AFDN: variants seen among roughly 807,000 people sequenced by gnomAD.
AFDN encodes afadin.
AFDN carries 68 observed loss-of-function variants against 216.6 expected under a neutral mutation model. That is an observed-to-expected ratio of 0.31 (90% CI 0.26 to 0.38). The LOEUF is 0.38. Ranked by LOEUF, AFDN falls within the 10% of genes least tolerant of loss-of-function variation. The pLI, the probability that AFDN is intolerant of heterozygous loss-of-function variation, is 1.00. For missense variants in AFDN, 2,136 were observed against 2,342.0 expected (o/e 0.91, Z 1.82); for synonymous variants, 868 against 853.7 (o/e 1.02, Z -0.29).
At chr6:167,935,372 G>A (rs3800531) in intron 23 of AFDN, among the ~76,000 whole-genome samples, 46,245 of 152,042 alleles carry the variant, frequency 0.3, 8,152 homozygotes, top group East Asian at 0.59. Flanking sequence ...TGCATTGAAG[G>A]GCACAAAGGC....
At chr6:167,964,376 AC>A (rs1169422231) in intron 31 of AFDN, 1 of 1,064,486 alleles carries the variant, frequency 9.4e-7, no homozygotes, top group Non-Finnish European at 1.1e-6. Context: ...TCATGTTAAT[AC>A]TAAGATTCTT....
intron 6 of AFDN, among the ~76,000 whole-genome samples, chr6:167,885,611 G>A (rs1244922454): frequency 6.6e-6 from 1 of 152,172 alleles, no homozygotes; most frequent in East Asian, 1.9e-4. Flanking sequence ...TAACATCAGA[G>A]ATCACAGATC....
chr6:167,964,450 T>C, intron 31 of AFDN: 1 of 1,065,502 alleles, frequency 9.4e-7, no homozygotes, highest in South Asian at 4.6e-5. Flanking sequence ...AAGGGAACAC[T>C]TACTTTGTGT....
intron 12 of AFDN, among the ~76,000 whole-genome samples, chr6:167,904,827 C>G (rs1422253973): frequency 6.6e-6 from 1 of 152,168 alleles, no homozygotes; most frequent in Non-Finnish European, 1.5e-5. Flanking sequence ...TTCTACCCAG[C>G]TCATCATTCT....
At chr6:167,908,909 AT>A (rs1483579675) in intron 13 of AFDN, among the ~76,000 whole-genome samples, 15 of 152,284 alleles carry the variant, frequency 9.9e-5, no homozygotes, top group Middle Eastern at 3.4e-3. Context: ...GTCATGAAAA[AT>A]TTAAACGTGT....
Position 167,951,453 on chromosome 6 carries a change from A to G in AFDN, c.4099A>G (p.Ile1367Val). 1.2e-6 allele frequency: 2 copies of G among 1,614,090 alleles called. No individual in the cohort carries two copies. The highest frequency in any genetic ancestry group is 1.3e-5 in the African/African-American group (1 of 75,012). Residue 1367 changes from isoleucine (I) to valine (V), a missense_variant, in exon 30 of 34, where the codon ATC becomes GTC. Coordinates refer to ENST00000683244, the MANE Select transcript of AFDN (RefSeq NM_001386888.1). The surrounding 1 kb of genome is among the most constrained non-coding windows in gnomAD (Gnocchi z 7.1). ...CACCCCTGTGGCCGTCTCCCAGCCA[A>G]TCCGAACAGACCTGCCTCCGCCACC... The part of the protein sequence containing the change: ...PATPVAVSQP[I>V]RTDLPPPPPP...
chr6:167,961,813 T>G (rs935430611), intron 30 of AFDN, among the ~76,000 whole-genome samples: 1 of 151,988 alleles, frequency 6.6e-6, no homozygotes, highest in Non-Finnish European at 1.5e-5. Context: ...TGTAGGGTAG[T>G]CCTGAGTCGG....
intron 17 of AFDN, 25 bp downstream of exon 17, chr6:167,914,338 G>T: frequency 6.2e-7 from 1 of 1,610,396 alleles, no homozygotes; most frequent in South Asian, 1.1e-5. Flanking sequence ...TTTGAAGGCG[G>T]CACTACTCTA....
rs150065312 is a variant in AFDN at position 167,858,504 on chromosome 6, G to A, written c.106-6047G>A. 3.3e-5 allele frequency among the ~76,000 whole-genome samples: 5 copies of A among 152,238 alleles called. No homozygotes were observed. The East Asian group carries it at 7.7e-4, about 23-fold the overall frequency. On this transcript the variant is annotated intron_variant, in intron 1 of 33. Coordinates refer to ENST00000683244, the MANE Select transcript of AFDN (RefSeq NM_001386888.1). ...CCAGAAATATTTTGTTCTTTGCTTG[G>A]AAGATGACCTTTTCCCACTTTCAGT...
intron 22 of AFDN, among the ~76,000 whole-genome samples, chr6:167,924,193 A>G (rs1289172133): frequency 6.6e-6 from 1 of 152,166 alleles, no homozygotes; most frequent in African/African-American, 2.4e-5. Context: ...TTAAAAAGCC[A>G]TATGTATAAT....
chr6:167,968,981 T>C, intron 32 of AFDN, 133 bp from the exon 33 acceptor site: 1 of 685,816 alleles, frequency 1.5e-6, no homozygotes, highest in Non-Finnish European at 2.6e-6. Flanking sequence ...TTTGATACAA[T>C]ATGAGGGGTC....
At chr6:167,950,238 G>A (rs1795808667) in intron 29 of AFDN, among the ~76,000 whole-genome samples, 1 of 152,154 alleles carries the variant, frequency 6.6e-6, no homozygotes, top group Non-Finnish European at 1.5e-5. Context: ...TGTTTTCCTG[G>A]TTTACATCTT....
chr6:167,911,753 T>G, intron 15 of AFDN: 1 of 451,256 alleles, frequency 2.2e-6, no homozygotes, highest in Non-Finnish European at 4.0e-6. Flanking sequence ...GAGACTGTTG[T>G]GGGCTTTTGT....
intron 30 of AFDN, among the ~76,000 whole-genome samples, chr6:167,953,603 G>A (rs529028946): frequency 6.6e-6 from 1 of 152,276 alleles, no homozygotes; most frequent in Non-Finnish European, 1.5e-5. Flanking sequence ...TGTGTTTACT[G>A]TAAGCACTGT....
chr6:167,924,797 A>G, intron 22 of AFDN: 1 of 579,232 alleles, frequency 1.7e-6, no homozygotes, highest in South Asian at 1.8e-5. Context: ...CATCTTTAAG[A>G]CTTGAGTCAA....
chr6:167,878,070 T>C (rs1785609043), intron 5 of AFDN, among the ~76,000 whole-genome samples: 2 of 152,182 alleles, frequency 1.3e-5, no homozygotes, highest in South Asian at 2.1e-4. Flanking sequence ...TTTATTGTTA[T>C]GGTTTTTTTT....
At chr6:167,916,094 T>G (rs1004026287) in intron 19 of AFDN, among the ~76,000 whole-genome samples, 2 of 152,212 alleles carry the variant, frequency 1.3e-5, no homozygotes, top group Non-Finnish European at 2.9e-5. Flanking sequence ...TTCTGGGGGC[T>G]CTGAGGAAAG....
rs150563661 is a variant in AFDN at position 167,875,783 on chromosome 6, G to A, written c.739+288G>A. On this transcript the variant is annotated intron_variant, in intron 5 of 33. Coordinates refer to ENST00000683244, the MANE Select transcript of AFDN (RefSeq NM_001386888.1). Reference sequence around the variant, plus strand: ...AAAGAGAAAGATACAATAAACTCCCGTGTACGTATCACTGAGGTTTCTTCT... The same window carrying A: ...AAAGAGAAAGATACAATAAACTCCCATGTACGTATCACTGAGGTTTCTTCT... Among the ~76,000 whole-genome samples the A allele has an allele frequency of 1.7e-4, 25 of 151,338 alleles. No homozygotes were observed. In the South Asian group the frequency reaches 1.9e-3, roughly 11 times the overall value.
In AFDN at chr6:167,912,689, G is replaced by T. The variant is rs139274603; in HGVS notation, c.2038-714G>T. On this transcript the variant is annotated intron_variant, in intron 15 of 33. Transcript: ENST00000683244. ...GGACTTACTAAGCCTGTTTCGAGTT[G>T]TGAGACACCTATCATAAAACTACCC... is the stretch of plus-strand genomic sequence containing the variant. Among the ~76,000 whole-genome samples the T allele has an allele frequency of 2.9e-3, 449 of 152,250 alleles. 8 individuals are homozygous for T. Among genetic ancestry groups the T allele is most frequent in the Admixed American group, 0.027 (413 of 15,290 alleles).
Sources: allele counts gnomAD v4.1 joint callset (sites outside exome capture counted in the v4.1 genomes callset), GRCh38; gene constraint gnomAD v4.1.1; non-coding constraint Gnocchi (gnomAD v3.1); transcripts MANE v1.5; gene names NCBI Gene and HGNC (gene_info 2026-07-23, HGNC 2026-07-21).